MANF: variants seen among roughly 807,000 people sequenced by gnomAD.
The protein encoded by MANF is mesencephalic astrocyte-derived neurotrophic factor.
MANF carries 9 observed loss-of-function variants against 19.1 expected under a neutral mutation model. That is an observed-to-expected ratio of 0.47 (90% CI 0.28 to 0.82). MANF has a LOEUF of 0.82. Ranked by LOEUF, MANF falls within the 40% of genes least tolerant of loss-of-function variation. The probability of loss-of-function intolerance (pLI) is 0.10; values close to 1 mark genes in which losing one functional copy is unlikely to be tolerated. For missense variants in MANF, 225 were observed against 226.7 expected (o/e 0.99, Z 0.05); for synonymous variants, 89 against 88.0 (o/e 1.01, Z -0.06).
chr3:51,386,379 A>G, intron 2 of MANF, 44 bp downstream of exon 2: 2 of 1,609,004 alleles, frequency 1.2e-6, no homozygotes, highest in African/African-American at 1.3e-5. Flanking sequence ...GGCTCATGTT[A>G]ACCCTCGGCT....
rs2088992143 is a variant in MANF at position 51,388,982 on chromosome 3, G to A, written c.442G>A (p.Gly148Arg). The A allele has an allele frequency of 6.2e-7, 1 of 1,606,278 alleles. No homozygotes were observed. Among genetic ancestry groups the A allele is most frequent in the African/African-American group, 1.3e-5 (1 of 74,752 alleles). The change falls in exon 4 of 4, where the codon GGG (glycine) becomes AGG (arginine). Residue 148 changes from glycine (G) to arginine (R), a missense_variant. Physicochemically the swap from Gly to Arg is moderately radical, Grantham distance 125. Coordinates refer to ENST00000528157, the MANE Select transcript of MANF (RefSeq NM_006010.6). Reference protein sequence around the residue: ...KELKKILDDWGETCKGCAEKS... With the variant: ...KELKKILDDWRETCKGCAEKS... ...GCTGAAGAAGATTCTGGATGACTGG[G>A]GGGAGACATGCAAAGGCTGTGCAGA...
Position 51,387,832 on chromosome 3 carries a change from T to C in MANF, c.318T>C (p.Cys106=), listed in dbSNP as rs1203111360. 19 of 1,613,710 alleles carry C rather than the reference T, an allele frequency of 1.2e-5. No homozygotes were observed. Among genetic ancestry groups the C allele is most frequent in the Non-Finnish European group, 1.6e-5 (19 of 1,179,790 alleles). Residue 106 remains cysteine, a synonymous_variant, in exon 3 of 4, where the codon TGT becomes TGC. Coordinates refer to ENST00000528157, the MANE Select transcript of MANF (RefSeq NM_006010.6). ...LAHHIPVEKI[C]EKLKKKDSQI... ...ACCACATCCCTGTGGAGAAGATCTGTGAGAAGCTTAAGAAGAAGGACAGCC... is the reference window on the plus strand; with the variant it reads ...ACCACATCCCTGTGGAGAAGATCTGCGAGAAGCTTAAGAAGAAGGACAGCC...
chr3:51,389,330 A>T lies in MANF; in HGVS notation c.*241A>T. On this transcript the variant is annotated 3_prime_UTR_variant, in exon 4 of 4. Coordinates refer to ENST00000528157, the MANE Select transcript of MANF (RefSeq NM_006010.6). ...CTGGGATTTTTTTATTAAAGAAAAA[A>T]AATTTCTAGCTGTCCTTGCAGAATT... 1 of 444,582 alleles carries T rather than the reference A, an allele frequency of 2.2e-6. No individual in the cohort carries two copies. The highest frequency in any genetic ancestry group is 4.0e-5 in the East Asian group (1 of 24,898). The allele number at this position is 444,582 out of a possible 1,614,324, so 27.5% of individuals were successfully genotyped here. A position where few individuals can be genotyped will look rare whatever the true frequency, so the allele number is the denominator to read the frequency against.
chr3:51,385,593 G>T (rs1377303638), intron 1 of MANF, 157 bp downstream of exon 1: 1 of 406,664 alleles, frequency 2.5e-6, no homozygotes, highest in Non-Finnish European at 4.2e-6. Flanking sequence ...AGGAGGCTCC[G>T]GCGCCCGCCC....
chr3:51,388,987 G>T lies in MANF; in HGVS notation c.447G>T (p.Glu149Asp), dbSNP rs2088993041. 2 of 1,607,330 alleles carry T rather than the reference G, an allele frequency of 1.2e-6. No homozygotes were observed. The highest frequency in any genetic ancestry group is 1.7e-6 in the Non-Finnish European group (2 of 1,176,634). ...AGAAGATTCTGGATGACTGGGGGGAGACATGCAAAGGCTGTGCAGAAAAGT... is the reference window on the plus strand; with the variant it reads ...AGAAGATTCTGGATGACTGGGGGGATACATGCAAAGGCTGTGCAGAAAAGT... ...ELKKILDDWG[E>D]TCKGCAEKSD... The change falls in exon 4 of 4, where the codon GAG (glutamate) becomes GAT (aspartate). Residue 149 changes from glutamate to aspartate, a missense_variant. Coordinates refer to ENST00000528157, the MANE Select transcript of MANF (RefSeq NM_006010.6).
chr3:51,385,798 T>A, intron 1 of MANF: 1 of 283,036 alleles, frequency 3.5e-6, no homozygotes, highest in Non-Finnish European at 6.6e-6. Context: ...TCTGTTGGGA[T>A]CACGAAGCTG....
Position 51,389,119 on chromosome 3 carries a change from G to GA in MANF, c.*36dup, listed in dbSNP as rs782598904. ...CTCAATCTCTGTTGCACCTGAGGGG[G>GA]AAAAAACAGTTCAACTGCTTACTCC... On this transcript the variant is annotated 3_prime_UTR_variant, in exon 4 of 4. Transcript: ENST00000528157. 13 of 1,585,166 alleles carry GA rather than the reference G, an allele frequency of 8.2e-6. No individual in the cohort carries two copies. Among genetic ancestry groups the GA allele is most frequent in the Middle Eastern group, 1.7e-4 (1 of 5,988 alleles).
At chr3:51,386,186 C>T (rs1553620868) in intron 1 of MANF, 22 bp from the exon 2 acceptor site, 2 of 1,612,200 alleles carry the variant, frequency 1.2e-6, no homozygotes, top group Non-Finnish European at 1.7e-6. Context: ...TGCTGAGCAT[C>T]TCCCGTCCCT....
intron 2 of MANF, chr3:51,386,842 C>G: frequency 4.4e-6 from 2 of 456,848 alleles, no homozygotes; most frequent in African/African-American, 2.0e-5. Context: ...GACAAAAGCC[C>G]TAGTGAAGCA....
intron 1 of MANF, 95 bp from the exon 2 acceptor site, chr3:51,386,113 C>T (rs953139628): frequency 4.4e-5 from 59 of 1,329,486 alleles, no homozygotes; most frequent in Admixed American, 1.6e-4. Flanking sequence ...TGATTCATCT[C>T]CGTGTCTCCT....
rs1553620707 is a variant in MANF at position 51,385,398 on chromosome 3, TGCCGGGCA to T, written c.64_71del (p.Ser22AlafsTer33). The stretch of plus-strand genomic sequence containing the variant: ...GCGGTGGCGCTGGCTCTGAGCGTGC[TGCCGGGCA>T]GCCGGGCGCTGCGGCCGGGCGACTG... On this transcript the variant is annotated frameshift_variant, in exon 1 of 4. Transcript: ENST00000528157. LOFTEE classifies it high-confidence loss of function. The T allele has an allele frequency of 8.1e-7, 1 of 1,238,246 alleles. No individual in the cohort carries two copies. The highest frequency in any genetic ancestry group is 1.6e-5 in the African/African-American group (1 of 64,194). 76.7% of individuals were successfully genotyped at this position (1,238,246 alleles called of 1,614,324 possible).
Position 51,389,136 on chromosome 3 carries a change from G to A in MANF, c.*47G>A. On this transcript the variant is annotated 3_prime_UTR_variant, in exon 4 of 4. Coordinates refer to ENST00000528157, the MANE Select transcript of MANF (RefSeq NM_006010.6). ...CTGAGGGGGAAAAAACAGTTCAACT[G>A]CTTACTCCCAAAACAGCCTTTTTGT... 6.5e-7 allele frequency: 1 copy of A among 1,543,188 alleles called. No individual in the cohort carries two copies. The highest frequency in any genetic ancestry group is 1.7e-4 in the Middle Eastern group (1 of 5,880).
intron 2 of MANF, among the ~76,000 whole-genome samples, chr3:51,386,584 A>G (rs1553620936): frequency 1.3e-5 from 2 of 152,214 alleles, no homozygotes; most frequent in African/African-American, 2.4e-5. Flanking sequence ...TGGGAATATC[A>G]GGGGAAAGAA....
rs2088998449 is a variant in MANF, at chr3:51,389,324, G to A, written c.*235G>A. 6.7e-6 allele frequency: 3 copies of A among 448,084 alleles called. No individual in the cohort carries two copies. Among genetic ancestry groups the A allele is most frequent in the Non-Finnish European group, 1.2e-5 (3 of 257,016 alleles). The allele number at this position is 448,084 out of a possible 1,614,324, so 27.8% of individuals were successfully genotyped here. ...GTGTGTCTGGGATTTTTTTATTAAA[G>A]AAAAAAAATTTCTAGCTGTCCTTGC... On this transcript the variant is annotated 3_prime_UTR_variant, in exon 4 of 4. Coordinates refer to ENST00000528157, the MANE Select transcript of MANF (RefSeq NM_006010.6).
chr3:51,386,150 C>T (rs1553620852), intron 1 of MANF, 58 bp from the exon 2 acceptor site: 2 of 1,589,836 alleles, frequency 1.3e-6, no homozygotes, highest in South Asian at 1.1e-5. Context: ...GAGTTCTTTT[C>T]TGGTGGATTG....
chr3:51,385,660 A>G (rs1332675432), intron 1 of MANF: 2 of 374,562 alleles, frequency 5.3e-6, no homozygotes, highest in Non-Finnish European at 9.5e-6. Flanking sequence ...AGTTGAGACT[A>G]GATCCCGTTG....
In MANF at chr3:51,385,329, G is replaced by T. The variant is rs782691012; in HGVS notation, c.-14G>T. 3 of 1,102,190 alleles carry T rather than the reference G, an allele frequency of 2.7e-6. No homozygotes were observed. Among genetic ancestry groups the T allele is most frequent in the Non-Finnish European group, 2.3e-6 (2 of 871,596 alleles). 68.3% of individuals were successfully genotyped at this position (1,102,190 alleles called of 1,614,324 possible). A position where few individuals can be genotyped will look rare whatever the true frequency, so the allele number is the denominator to read the frequency against. ...CGGCAGCGGAGGAGGAGGAGGAGGA[G>T]GAGGATGAGGAGGATGAGGAGGATG... On this transcript the variant is annotated 5_prime_UTR_variant, in exon 1 of 4. It adds an upstream start codon to the 5' untranslated region. Coordinates refer to ENST00000528157, the MANE Select transcript of MANF (RefSeq NM_006010.6).
Position 51,385,297 on chromosome 3 carries a change from T to C in MANF, c.-46T>C, listed in dbSNP as rs1413026952. The C allele has an allele frequency of 3.4e-6, 4 of 1,179,010 alleles. No homozygotes were observed. The highest frequency in any genetic ancestry group is 3.2e-6 in the Non-Finnish European group (3 of 938,682). The allele number at this position is 1,179,010 out of a possible 1,614,324, so 73.0% of individuals were successfully genotyped here. On this transcript the variant is annotated 5_prime_UTR_variant, in exon 1 of 4. Coordinates refer to ENST00000528157, the MANE Select transcript of MANF (RefSeq NM_006010.6). ...GGCGCGGCGGGTGCGGTTCAGTCGG[T>C]CGGCGGCGGCAGCGGAGGAGGAGGA...
At position 51,385,353 on chromosome 3, in the gene MANF, T is replaced by A; in HGVS notation, c.11T>A (p.Met4Lys). Residue 4 changes from methionine to lysine, a missense_variant, in exon 1 of 4, where the codon ATG (methionine) becomes AAG (lysine). Coordinates refer to ENST00000528157, the MANE Select transcript of MANF (RefSeq NM_006010.6). MRRMWATQGLAVAL... is the reference protein window; with the variant it reads MRRKWATQGLAVAL... ...AGGAGGATGAGGAGGATGAGGAGGA[T>A]GTGGGCCACGCAGGGGCTGGCGGTG... 1 of 1,236,856 alleles carries A rather than the reference T, an allele frequency of 8.1e-7. No homozygotes were observed. The highest frequency in any genetic ancestry group is 4.0e-5 in the South Asian group (1 of 24,988). 76.6% of individuals were successfully genotyped at this position (1,236,856 alleles called of 1,614,324 possible).
Sources: gnomAD v4.1 joint callset for allele counts (sites outside exome capture counted in the v4.1 genomes callset) on GRCh38, gnomAD v4.1.1 for gene constraint, MANE v1.5 for transcripts, NCBI Gene and HGNC (gene_info 2026-07-23, HGNC 2026-07-21) for gene names.